Variants in BRD10 observed in about 807,000 individuals in gnomAD.
BRD10 encodes bromodomain containing 10.
At chr9:5,962,010 C>A in the BRD10 span, among the ~76,000 whole-genome samples, 3 of 152,012 alleles carry the variant, frequency 2.0e-5, no homozygotes, top group South Asian at 6.2e-4. Context: ...TTATTTCTTG[C>A]CTTCTGCTAG....
chr9:5,975,703 G>A, the BRD10 span, among the ~76,000 whole-genome samples: 1 of 151,924 alleles, frequency 6.6e-6, no homozygotes, highest in Non-Finnish European at 1.5e-5. Context: ...GAAATATACA[G>A]AAAACATACT....
chr9:5,948,800 AAAT>A, the BRD10 span, among the ~76,000 whole-genome samples: 57 of 152,278 alleles, frequency 3.7e-4, 1 homozygote, highest in Admixed American at 1.3e-3. Flanking sequence ...TTTATTATAA[AAAT>A]AATAAGTGAA....
the BRD10 span, among the ~76,000 whole-genome samples, chr9:5,913,196 G>A: frequency 6.6e-6 from 1 of 152,198 alleles, no homozygotes. Flanking sequence ...AATCAATGAA[G>A]CCTTCAAGTT....
At chr9:5,976,191 T>C in the BRD10 span, among the ~76,000 whole-genome samples, 151,643 of 152,250 alleles carry the variant, frequency 1, 75,519 homozygotes, top group East Asian at 1. Flanking sequence ...AACTAGAGAG[T>C]GTGTAAAATA....
the BRD10 span, among the ~76,000 whole-genome samples, chr9:5,985,671 G>A: frequency 2.0e-5 from 3 of 152,104 alleles, no homozygotes; most frequent in Non-Finnish European, 2.9e-5. Flanking sequence ...TGTGATCCCA[G>A]CTACTCAGGA....
At chr9:5,969,264 T>C in the BRD10 span, 2 of 1,613,814 alleles carry the variant, frequency 1.2e-6, no homozygotes, top group Non-Finnish European at 1.7e-6. Flanking sequence ...TAAAAGACTA[T>C]TTCTGGCAAA....
chr9:5,949,288 G>A, the BRD10 span, among the ~76,000 whole-genome samples: 1 of 152,086 alleles, frequency 6.6e-6, no homozygotes, highest in African/African-American at 2.4e-5. Context: ...GAACCAGGAA[G>A]TCAGAGATTG....
chr9:5,937,028 G>A, the BRD10 span, among the ~76,000 whole-genome samples: 5 of 151,676 alleles, frequency 3.3e-5, no homozygotes, highest in East Asian at 1.9e-4. Context: ...TCAGGAGTTC[G>A]ACACCAGCCT....
At chr9:5,996,049 T>C in the BRD10 span, among the ~76,000 whole-genome samples, 5 of 152,048 alleles carry the variant, frequency 3.3e-5, no homozygotes, top group Non-Finnish European at 7.4e-5. Context: ...CACAACCAAC[T>C]GGAAAAGTTC....
At chr9:5,903,582 ATGTTGAAGCC>A in the BRD10 span, among the ~76,000 whole-genome samples, 4 of 152,144 alleles carry the variant, frequency 2.6e-5, no homozygotes, top group Non-Finnish European at 4.4e-5. Context: ...TGATAGAGAG[ATGTTGAAGCC>A]TCCAACTGTA....
At chr9:6,007,668 C>G in the BRD10 span, 31 of 1,608,522 alleles carry the variant, frequency 1.9e-5, no homozygotes, top group Non-Finnish European at 2.6e-5. Flanking sequence ...CGTGGGCCGG[C>G]CCTGAGGTCT....
the BRD10 span, among the ~76,000 whole-genome samples, chr9:5,946,672 T>C: frequency 1.3e-5 from 2 of 152,146 alleles, no homozygotes; most frequent in African/African-American, 4.8e-5. Context: ...GTGTACTTGT[T>C]AATATCAAAT....
chr9:5,886,022 G>A, the BRD10 span, among the ~76,000 whole-genome samples: 1 of 152,214 alleles, frequency 6.6e-6, no homozygotes, highest in Non-Finnish European at 1.5e-5. Flanking sequence ...CTTCCCAAAA[G>A]GGAACACAGT....
chr9:5,968,491 T>C, the BRD10 span: 3 of 1,611,230 alleles, frequency 1.9e-6, no homozygotes, highest in Non-Finnish European at 2.5e-6. Context: ...AATCAGTTTT[T>C]TTAATTTCAC....
the BRD10 span, among the ~76,000 whole-genome samples, chr9:5,916,204 T>C: frequency 6.6e-6 from 1 of 152,160 alleles, no homozygotes; most frequent in Non-Finnish European, 1.5e-5. Flanking sequence ...AGGTAAACTG[T>C]TTATCATTTC....
chr9:5,986,672 C>T, the BRD10 span, among the ~76,000 whole-genome samples: 4 of 152,166 alleles, frequency 2.6e-5, no homozygotes, highest in East Asian at 5.8e-4. Flanking sequence ...TAATTTAAAA[C>T]GTTAACACTA....
chr9:5,980,103 T>C, the BRD10 span, among the ~76,000 whole-genome samples: 2 of 152,172 alleles, frequency 1.3e-5, no homozygotes, highest in East Asian at 3.8e-4. Flanking sequence ...AAAATATTAT[T>C]CAATGATTCC....
chr9:6,004,979 T>A, the BRD10 span, among the ~76,000 whole-genome samples: 1 of 152,178 alleles, frequency 6.6e-6, no homozygotes, highest in Non-Finnish European at 1.5e-5. Context: ...CTATTTGAGG[T>A]CATACTACTT....
At chr9:5,946,357 G>C in the BRD10 span, among the ~76,000 whole-genome samples, 1 of 152,058 alleles carries the variant, frequency 6.6e-6, no homozygotes, top group Non-Finnish European at 1.5e-5. Context: ...CAATGATGTA[G>C]TGGGACAGTG....
Sources: gnomAD v4.1 joint callset for allele counts (sites outside exome capture counted in the v4.1 genomes callset) on GRCh38, gnomAD v4.1.1 for gene constraint, MANE v1.5 for transcripts, NCBI Gene and HGNC (gene_info 2026-07-23, HGNC 2026-07-21) for gene names.